The following FLI1 variants were observed in gnomAD, a reference collection of about 807,000 sequenced individuals.
The protein encoded by FLI1 is Friend leukemia integration 1 transcription factor.
In FLI1, 13 loss-of-function variants were observed where a neutral mutation model predicts 53.1. The observed-to-expected ratio is 0.24, with a 90% confidence interval of 0.16 to 0.39. FLI1 has a LOEUF of 0.39. FLI1 is among the 10% of genes least tolerant of loss of function. The pLI, the probability that FLI1 is intolerant of heterozygous loss-of-function variation, is 1.00. For synonymous variants in FLI1, 244 were observed against 236.7 expected, an observed-to-expected ratio of 1.03 and a Z score of -0.28; for missense variants, 424 against 600.5, an observed-to-expected ratio of 0.71 and a Z score of 3.07.
At chr11:128,749,146 A>T (rs1034526226) in intron 1 of FLI1, among the ~76,000 whole-genome samples, 1 of 152,194 alleles carries the variant, frequency 6.6e-6, no homozygotes, top group Non-Finnish European at 1.5e-5. Context: ...CTGGACAGTC[A>T]TGGTGCTGAT....
intron 5 of FLI1, among the ~76,000 whole-genome samples, chr11:128,794,079 C>A (rs1591379412): frequency 1.3e-5 from 2 of 152,310 alleles, no homozygotes; most frequent in South Asian, 2.1e-4. Flanking sequence ...CTATTTTAGG[C>A]CTGCCATCTC....
intron 5 of FLI1, among the ~76,000 whole-genome samples, chr11:128,802,527 A>C (rs1565508670): frequency 6.6e-6 from 1 of 152,212 alleles, no homozygotes; most frequent in Admixed American, 6.5e-5. Flanking sequence ...TTATGACTCT[A>C]TTACTTCACA....
In FLI1 at chr11:128,810,039, A is replaced by C. The variant is rs1412537914; in HGVS notation, c.830-420A>C. ...AGTCATGCCTTGCCCCTGACTTTTT[A>C]TTGCTGACAGGGAATTCCCTGGGGG... On this transcript the variant is annotated intron_variant, in intron 8 of 8. Coordinates refer to ENST00000527786, the MANE Select transcript of FLI1 (RefSeq NM_002017.5). This position sits in a 1 kb window ranked among gnomAD's most constrained non-coding sequence, Gnocchi z 6.6. 6.6e-6 allele frequency among the ~76,000 whole-genome samples: 1 copy of C among 151,974 alleles called. No homozygotes were observed. The highest frequency in any genetic ancestry group is 2.4e-5 in the African/African-American group (1 of 41,364).
chr11:128,714,966 C>G (rs896809769), intron 1 of FLI1, among the ~76,000 whole-genome samples: 1 of 152,140 alleles, frequency 6.6e-6, no homozygotes, highest in Non-Finnish European at 1.5e-5. Context: ...CTCAGCCTCC[C>G]AAAGTGCTGG....
At position 128,806,138 on chromosome 11, in the gene FLI1, G is replaced by A. The variant is rs1216265981; in HGVS notation, c.721+707G>A. ...GGAATTCTTTCAAGAAAGAGGTTGG[G>A]GTTACAAATTAATGCCCAAACAATA... is the stretch of plus-strand genomic sequence containing the variant. On this transcript the variant is annotated intron_variant, in intron 6 of 8. Coordinates refer to ENST00000527786, the MANE Select transcript of FLI1 (RefSeq NM_002017.5). 3 of 152,030 alleles carry A rather than the reference G, an allele frequency of 2.0e-5. 1 individual carries two copies. Among genetic ancestry groups the A allele is most frequent in the Non-Finnish European group, 4.4e-5 (3 of 68,016 alleles). The allele number at this position is 152,030 out of a possible 1,614,324, so 9.4% of individuals were successfully genotyped here.
rs79263993 is a variant in FLI1, at chr11:128,749,937, C to T, written c.19-8178C>T. 5.4e-3 allele frequency among the ~76,000 whole-genome samples: 815 copies of T among 152,314 alleles called. 4 individuals are homozygous for T. The highest frequency in any genetic ancestry group is 0.019 in the African/African-American group (774 of 41,562). On this transcript the variant is annotated intron_variant, in intron 1 of 8. Coordinates refer to ENST00000527786, the MANE Select transcript of FLI1 (RefSeq NM_002017.5). ...ACTTCAGATGAGACTTGGAGTGACC[C>T]CAACCCAGGCTGATCACCCCCACTG...
intron 6 of FLI1, 177 bp downstream of exon 6, chr11:128,805,608 A>G (rs1233547248): frequency 5.5e-6 from 3 of 542,790 alleles, no homozygotes; most frequent in Non-Finnish European, 9.8e-6. Context: ...GAAAGATGAT[A>G]TGGGATTTTC....
At chr11:128,729,704 GCAACCAGATCATT>G (rs1939618012) in intron 1 of FLI1, among the ~76,000 whole-genome samples, 1 of 152,056 alleles carries the variant, frequency 6.6e-6, no homozygotes. Flanking sequence ...TAAAAGGATG[GCAACCAGATCATT>G]CACCTCTCCT....
intron 1 of FLI1, among the ~76,000 whole-genome samples, chr11:128,702,981 T>C (rs1938403090): frequency 6.6e-6 from 1 of 151,726 alleles, no homozygotes; most frequent in South Asian, 2.1e-4. Flanking sequence ...CAAAGACTAC[T>C]TACAAATCAA....
At chr11:128,731,492 G>A (rs1450387401) in intron 1 of FLI1, among the ~76,000 whole-genome samples, 1 of 145,168 alleles carries the variant, frequency 6.9e-6, no homozygotes, top group African/African-American at 2.6e-5. Context: ...TTTTTTTTCT[G>A]TTAAAGGGGC....
chr11:128,708,683 G>A (rs1046146231), intron 1 of FLI1, among the ~76,000 whole-genome samples: 13 of 152,150 alleles, frequency 8.5e-5, no homozygotes, highest in African/African-American at 2.7e-4. Flanking sequence ...CAAGAAAAGC[G>A]TGAATTAATT....
Position 128,755,050 on chromosome 11 carries a change from C to T in FLI1, c.19-3065C>T, listed in dbSNP as rs147001179. Among the ~76,000 whole-genome samples the T allele has an allele frequency of 2.8e-3, 426 of 152,312 alleles. 6 individuals carry two copies. The highest frequency in any genetic ancestry group is 9.7e-3 in the African/African-American group (403 of 41,566). ...TCTCTCCTGGGTCTGCCTCCAGAAC[C>T]GCTGGCTTTGTGTTCTCTGTGTATT... On this transcript the variant is annotated intron_variant, in intron 1 of 8. Coordinates refer to ENST00000527786, the MANE Select transcript of FLI1 (RefSeq NM_002017.5).
intron 5 of FLI1, among the ~76,000 whole-genome samples, chr11:128,799,155 C>T (rs1193655994): frequency 6.6e-6 from 1 of 151,742 alleles, no homozygotes; most frequent in Non-Finnish European, 1.5e-5. Context: ...AGTGTTCCTC[C>T]CACCTTGGCC....
In FLI1 at chr11:128,811,583, G is replaced by A; in HGVS notation, c.*595G>A. 4.5e-6 allele frequency: 1 copy of A among 221,610 alleles called. No individual in the cohort carries two copies. The highest frequency in any genetic ancestry group is 9.0e-6 in the Non-Finnish European group (1 of 110,990). The allele number at this position is 221,610 out of a possible 1,614,324, so 13.7% of individuals were successfully genotyped here. On this transcript the variant is annotated 3_prime_UTR_variant, in exon 9 of 9. Coordinates refer to ENST00000527786, the MANE Select transcript of FLI1 (RefSeq NM_002017.5). ...GGGCATTGCAGAATCCCTCTCAGTG[G>A]ACAGTATGCACTCAGCTGACCACTC... is the stretch of plus-strand genomic sequence containing the variant.
At position 128,764,878 on chromosome 11, in the gene FLI1, T is replaced by C. The variant is rs73573736; in HGVS notation, c.231-3240T>C. ...GTGGGAGGAGGGCCAGCTGGGCAAG[T>C]GTGGGGAACCAGGATGGTGCCAGCC... On this transcript the variant is annotated intron_variant, in intron 2 of 8. Transcript: ENST00000527786. 5,608 of 1,555,536 alleles carry C rather than the reference T, an allele frequency of 3.6e-3. 171 individuals carry two copies. In the African/African-American group the frequency reaches 0.061, roughly 17 times the overall value.
intron 5 of FLI1, among the ~76,000 whole-genome samples, chr11:128,785,854 G>C (rs1212193069): frequency 6.6e-6 from 1 of 152,208 alleles, no homozygotes. Context: ...TGGAAATAGG[G>C]TGTTAGTGTT....
intron 1 of FLI1, among the ~76,000 whole-genome samples, chr11:128,688,638 G>A (rs1377512953): frequency 1.3e-5 from 2 of 152,212 alleles, no homozygotes; most frequent in African/African-American, 4.8e-5. Context: ...CTCCACCGGG[G>A]TCACGATCTG....
At chr11:128,732,089 T>C (rs527270658) in intron 1 of FLI1, among the ~76,000 whole-genome samples, 3 of 152,026 alleles carry the variant, frequency 2.0e-5, no homozygotes, top group Admixed American at 2.0e-4. Context: ...GAGTGGTAAA[T>C]GTGACTCCAG....
chr11:128,758,335 A>G lies in FLI1; in HGVS notation c.230+9A>G, dbSNP rs779628662. 2 of 1,608,422 alleles carry G rather than the reference A, an allele frequency of 1.2e-6. No homozygotes were observed. Among genetic ancestry groups the G allele is most frequent in the African/African-American group, 2.7e-5 (2 of 74,820 alleles). On this transcript the variant is annotated intron_variant, in intron 2 of 8. Transcript: ENST00000527786. Reference sequence around the variant, plus strand: ...CACATGAATGGATCCAGGTAAGCTCACCAGGCCTGTGCAGGATTGGGGGAA... The same window carrying G: ...CACATGAATGGATCCAGGTAAGCTCGCCAGGCCTGTGCAGGATTGGGGGAA...
Sources: gnomAD v4.1 joint callset for allele counts (sites outside exome capture counted in the v4.1 genomes callset) on GRCh38, gnomAD v4.1.1 for gene constraint, Gnocchi (gnomAD v3.1) non-coding constraint, MANE v1.5 for transcripts, NCBI Gene and HGNC (gene_info 2026-07-23, HGNC 2026-07-21) for gene names.